The following BCL2 variants were observed in gnomAD, a reference collection of about 807,000 sequenced individuals.
BCL2 encodes the protein apoptosis regulator Bcl-2.
Under a neutral mutation model 14.2 loss-of-function variants are expected in BCL2, and 1 was observed. The ratio of observed to expected loss-of-function variants is 0.07; its 90% CI spans 0.02 to 0.33. The LOEUF (loss-of-function observed/expected upper bound fraction) is 0.33. Ranked by LOEUF, BCL2 falls within the 10% of genes least tolerant of loss-of-function variation. BCL2 has a pLI of 0.99. For synonymous variants in BCL2, 151 were observed against 137.2 expected (o/e 1.10, Z -0.70); for missense variants, 247 against 305.9 (o/e 0.81, Z 1.44).
At chr18:63,183,009 T>C (rs1054775113) in intron 2 of BCL2, among the ~76,000 whole-genome samples, 2 of 152,238 alleles carry the variant, frequency 1.3e-5, no homozygotes, top group African/African-American at 4.8e-5. Flanking sequence ...AGCACCGAGC[T>C]GGGCATGCCT....
At chr18:63,178,597 A>G (rs1915403976) in intron 2 of BCL2, among the ~76,000 whole-genome samples, 1 of 152,196 alleles carries the variant, frequency 6.6e-6, no homozygotes, top group Non-Finnish European at 1.5e-5. Context: ...AAGATTTTAG[A>G]ATTTTATCCA....
At chr18:63,144,704 G>A (rs1280943940) in intron 2 of BCL2, among the ~76,000 whole-genome samples, 1 of 152,156 alleles carries the variant, frequency 6.6e-6, no homozygotes, top group East Asian at 1.9e-4. Context: ...AACCAAGGAT[G>A]GTGTTTCAGG....
chr18:63,261,827 T>C (rs1426157198), intron 2 of BCL2, among the ~76,000 whole-genome samples: 1 of 151,932 alleles, frequency 6.6e-6, no homozygotes, highest in South Asian at 2.1e-4. Flanking sequence ...AATCTCGCTC[T>C]GGAGTGCAGT....
intron 2 of BCL2, among the ~76,000 whole-genome samples, chr18:63,298,269 C>T (rs1465569335): frequency 6.6e-6 from 1 of 152,180 alleles, no homozygotes; most frequent in Non-Finnish European, 1.5e-5. Context: ...ACAGCTCAGT[C>T]GTGGTTGTAA....
chr18:63,134,315 AC>A, intron 2 of BCL2, among the ~76,000 whole-genome samples: 1 of 152,128 alleles, frequency 6.6e-6, no homozygotes, highest in African/African-American at 2.4e-5. Context: ...AAAAATCCAG[AC>A]TCCATAATTT....
At chr18:63,176,664 T>G (rs1044086320) in intron 2 of BCL2, among the ~76,000 whole-genome samples, 17 of 152,340 alleles carry the variant, frequency 1.1e-4, no homozygotes, top group African/African-American at 3.8e-4. Flanking sequence ...TTTTGATACA[T>G]GCATACAATA....
chr18:63,274,647 G>A (rs915446373), intron 2 of BCL2, among the ~76,000 whole-genome samples: 1 of 152,046 alleles, frequency 6.6e-6, no homozygotes, highest in Non-Finnish European at 1.5e-5. Flanking sequence ...AGATCAATTG[G>A]TGAACCCTTC....
At chr18:63,238,554 A>T (rs146946389) in intron 2 of BCL2, among the ~76,000 whole-genome samples, 13 of 152,306 alleles carry the variant, frequency 8.5e-5, no homozygotes, top group Non-Finnish European at 1.6e-4. Flanking sequence ...TGTATTTGCA[A>T]TGTTCTGTCC....
intron 2 of BCL2, among the ~76,000 whole-genome samples, chr18:63,266,234 C>T (rs1911819812): frequency 6.6e-6 from 1 of 151,722 alleles, no homozygotes; most frequent in Non-Finnish European, 1.5e-5. Context: ...TATGTAGACA[C>T]AGAAGAGAAG....
rs1366299078 is a variant in BCL2 at position 63,318,023 on chromosome 18, A to C, written c.585+59T>G. 3 of 1,580,858 alleles carry C rather than the reference A, an allele frequency of 1.9e-6. No individual in the cohort carries two copies. In the African/African-American group the frequency reaches 4.0e-5, roughly 21 times the overall value. On this transcript the variant is annotated intron_variant, in intron 2 of 2. Coordinates refer to ENST00000333681, the MANE Select transcript of BCL2 (RefSeq NM_000633.3). The surrounding 1 kb of genome is among the most constrained non-coding windows in gnomAD (Gnocchi z 7.4). ...TGCCCCAGGAGCCCACCCGCACTCCAACCCCCGCATCTCGGACCTGTGGCC... is the reference window on the plus strand; with the variant it reads ...TGCCCCAGGAGCCCACCCGCACTCCCACCCCCGCATCTCGGACCTGTGGCC...
At chr18:63,219,845 C>T (rs958426320) in intron 2 of BCL2, among the ~76,000 whole-genome samples, 4 of 152,164 alleles carry the variant, frequency 2.6e-5, no homozygotes, top group African/African-American at 9.7e-5. Context: ...AACACATAAT[C>T]CAGTTTGGGG....
chr18:63,129,212 C>T (rs10503077), intron 2 of BCL2, among the ~76,000 whole-genome samples: 12,367 of 152,118 alleles, frequency 0.081, 591 homozygotes, highest in African/African-American at 0.14. Context: ...TGATGACCGT[C>T]ACACTCCTCG....
chr18:63,169,149 C>A (rs887876851), intron 2 of BCL2, among the ~76,000 whole-genome samples: 1 of 152,214 alleles, frequency 6.6e-6, no homozygotes, highest in Non-Finnish European at 1.5e-5. Context: ...ACACTTATTT[C>A]CTAATCGATT....
At chr18:63,137,368 T>C (rs566658864) in intron 2 of BCL2, among the ~76,000 whole-genome samples, 15 of 152,372 alleles carry the variant, frequency 9.8e-5, no homozygotes, top group African/African-American at 3.6e-4. Context: ...GACCATGTTT[T>C]ATTTATCTTT....
rs538616037 is a variant in BCL2 at position 63,212,198 on chromosome 18, C to T, written c.586-83439G>A. Among the ~76,000 whole-genome samples, 42 of 151,262 alleles carry T rather than the reference C, an allele frequency of 2.8e-4. 2 individuals are homozygous for T. The highest frequency in any genetic ancestry group is 4.4e-4 in the Non-Finnish European group (30 of 67,600). On this transcript the variant is annotated intron_variant, in intron 2 of 2. Transcript: ENST00000333681. ...AAAATTAGCTGGGCGTGGTGGCGGGCGCCTGTAGTCCCAGCTACTCGGGAG... is the reference window on the plus strand; with the variant it reads ...AAAATTAGCTGGGCGTGGTGGCGGGTGCCTGTAGTCCCAGCTACTCGGGAG...
chr18:63,255,465 C>T (rs116681425), intron 2 of BCL2, among the ~76,000 whole-genome samples: 423 of 152,274 alleles, frequency 2.8e-3, no homozygotes, highest in African/African-American at 4.5e-3. Context: ...ATTGGAAAGC[C>T]GTATCTGATT....
chr18:63,282,611 A>G (rs933726171), intron 2 of BCL2, among the ~76,000 whole-genome samples: 2 of 152,202 alleles, frequency 1.3e-5, no homozygotes, highest in African/African-American at 4.8e-5. Context: ...CTCAAATGCC[A>G]TTACACATTT....
intron 2 of BCL2, among the ~76,000 whole-genome samples, chr18:63,291,852 C>T (rs1000875463): frequency 6.6e-6 from 1 of 151,918 alleles, no homozygotes; most frequent in South Asian, 2.1e-4. Context: ...TCTCTCTTTC[C>T]TATTCTTAGA....
intron 2 of BCL2, among the ~76,000 whole-genome samples, chr18:63,291,526 A>C (rs1448416905): frequency 2.6e-5 from 4 of 152,208 alleles, no homozygotes; most frequent in African/African-American, 9.7e-5. Flanking sequence ...ACAGGTCCAC[A>C]GCCCCGTCCT....
Sources: gnomAD v4.1 joint callset for allele counts (sites outside exome capture counted in the v4.1 genomes callset) on GRCh38, gnomAD v4.1.1 for gene constraint, Gnocchi (gnomAD v3.1) non-coding constraint, MANE v1.5 for transcripts, NCBI Gene and HGNC (gene_info 2026-07-23, HGNC 2026-07-21) for gene names.